The following TMEM67 variants were observed in gnomAD, a reference collection of about 807,000 sequenced individuals.
TMEM67 encodes the protein transmembrane protein 67, also known as meckelin.
In TMEM67, 124 loss-of-function variants were observed where a neutral mutation model predicts 136.6. That is an observed-to-expected ratio of 0.91 (90% CI 0.78 to 1.05). The LOEUF (loss-of-function observed/expected upper bound fraction) is 1.05. TMEM67 is among the 50% of genes least tolerant of loss of function. TMEM67 has a pLI of 0.00. For synonymous variants in TMEM67, 364 were observed against 390.5 expected (o/e 0.93, Z 0.80); for missense variants, 1,107 against 1,178.4 (o/e 0.94, Z 0.89).
Position 93,783,196 on chromosome 8 carries a change from C to T in TMEM67, c.1131+736C>T, listed in dbSNP as rs77440278. 2.8e-3 allele frequency among the ~76,000 whole-genome samples: 420 copies of T among 152,174 alleles called. 7 individuals are homozygous for T. The highest frequency in any genetic ancestry group is 0.027 in the East Asian group (140 of 5,142). ...AGATGGGGTTTTGCTGTGTTGACCA[C>T]GCTTGTCTCAAACTCCTGACCTCAA... is the stretch of plus-strand genomic sequence containing the variant. On this transcript the variant is annotated intron_variant, in intron 11 of 27. Transcript: ENST00000453321.
Position 93,789,790 on chromosome 8 carries a change from G to T in TMEM67, c.1519-1473G>T, listed in dbSNP as rs552735438. On this transcript the variant is annotated intron_variant, in intron 14 of 27. Coordinates refer to ENST00000453321, the MANE Select transcript of TMEM67 (RefSeq NM_153704.6). The stretch of plus-strand genomic sequence containing the variant: ...TAACAAATAGAAAAAAGTTAAGTCC[G>T]CTGGTCGTAGTGGCTCATGCCTGCA... Among the ~76,000 whole-genome samples the T allele has an allele frequency of 5.8e-4, 88 of 151,540 alleles. 2 individuals carry two copies. The South Asian group carries it at 0.017, about 29-fold the overall frequency.
rs1252239185 is a variant in TMEM67, at chr8:93,809,202, C to T, written c.2661+41C>T. 3.2e-6 allele frequency: 4 copies of T among 1,231,420 alleles called. No homozygotes were observed. The East Asian group carries it at 7.0e-5, about 21-fold the overall frequency. 76.3% of individuals were successfully genotyped at this position (1,231,420 alleles called of 1,614,324 possible). A position where few individuals can be genotyped will look rare whatever the true frequency, so the allele number is the denominator to read the frequency against. On this transcript the variant is annotated intron_variant, in intron 25 of 27. Coordinates refer to ENST00000453321, the MANE Select transcript of TMEM67 (RefSeq NM_153704.6). ...TTTATATTTAAGCTGGGATCAAATG[C>T]AATTTTTAAAAAGTTAAGTGGGAAT...
chr8:93,795,862 T>C (rs762356802), intron 17 of TMEM67, 39 bp from the exon 18 acceptor site: 11 of 1,404,076 alleles, frequency 7.8e-6, no homozygotes, highest in South Asian at 2.5e-5. Flanking sequence ...CAAAAAAAAC[T>C]GTGTGTGATA....
chr8:93,826,255 A>C, the TMEM67 span, among the ~76,000 whole-genome samples: 13 of 141,684 alleles, frequency 9.2e-5, 1 homozygote, highest in Admixed American at 8.5e-4. Context: ...TCAGCCTCCC[A>C]AGTAGCTGGG....
intron 22 of TMEM67, among the ~76,000 whole-genome samples, chr8:93,804,319 T>TC (rs1815011906): frequency 7.4e-6 from 1 of 134,506 alleles, no homozygotes; most frequent in African/African-American, 3.1e-5. Context: ...TCTTTTTTTT[T>TC]TTTTTTTTTT....
At chr8:93,755,985 T>C in intron 2 of TMEM67, 119 bp downstream of exon 2, 1 of 609,764 alleles carries the variant, frequency 1.6e-6, no homozygotes, top group South Asian at 2.7e-5. Flanking sequence ...ATTACTATGC[T>C]AATTTTATTT....
At chr8:93,772,507 T>C (rs1813370557) in intron 6 of TMEM67, 82 bp from the exon 7 acceptor site, 1 of 982,376 alleles carries the variant, frequency 1.0e-6, no homozygotes, top group Admixed American at 1.8e-5. Context: ...ATTGTGAAAG[T>C]AATGTGAGAC....
downstream of TMEM67, among the ~76,000 whole-genome samples, chr8:93,820,807 A>G (rs1170009471): frequency 6.6e-6 from 1 of 152,112 alleles, no homozygotes; most frequent in Admixed American, 6.6e-5. Flanking sequence ...CCCAGATTAG[A>G]CCCACTAGAG....
chr8:93,780,886 T>C lies in TMEM67; in HGVS notation c.882T>C (p.Leu294=), dbSNP rs200110207. The C allele has an allele frequency of 6.8e-6, 11 of 1,611,706 alleles. No homozygotes were observed. In the Admixed American group the frequency reaches 1.8e-4, roughly 27 times the overall value. ...TAACTGTTTATAGGAGACAGAATCT[T>C]CCTTGGCTGTTTTATGGAGACCAGT... The part of the protein sequence containing the change: ...VHSISFWRQN[L]PWLFYGDQLG... The change falls in exon 9 of 28, where the codon CTT becomes CTC. Residue 294 remains leucine, a synonymous_variant. Transcript: ENST00000453321.
chr8:93,771,414 A>T (rs1370667315), intron 6 of TMEM67, among the ~76,000 whole-genome samples: 2 of 151,986 alleles, frequency 1.3e-5, no homozygotes, highest in African/African-American at 4.8e-5. Context: ...GTGACTTTAG[A>T]CTTTAGGGAT....
At chr8:93,810,294 T>C (rs1808651657) in intron 26 of TMEM67, among the ~76,000 whole-genome samples, 1 of 149,972 alleles carries the variant, frequency 6.7e-6, no homozygotes, top group Admixed American at 6.6e-5. Flanking sequence ...GTTTAATAAT[T>C]TTTTGGCTAG....
chr8:93,796,845 A>C (rs1183085550), intron 18 of TMEM67, among the ~76,000 whole-genome samples: 1 of 152,136 alleles, frequency 6.6e-6, no homozygotes, highest in Non-Finnish European at 1.5e-5. Context: ...ATAAGTCCCT[A>C]TGTGAGGAGG....
At chr8:93,809,279 T>G in intron 25 of TMEM67, 118 bp downstream of exon 25, 2 of 705,888 alleles carry the variant, frequency 2.8e-6, no homozygotes, top group Admixed American at 2.1e-5. Flanking sequence ...ACCCCCACCT[T>G]AAGACCTTCC....
Position 93,780,698 on chromosome 8 carries a change from A to C in TMEM67, c.820A>C (p.Ile274Leu), listed in dbSNP as rs748922044. 2.5e-6 allele frequency: 4 copies of C among 1,614,042 alleles called. No homozygotes were observed. The highest frequency in any genetic ancestry group is 3.4e-6 in the Non-Finnish European group (4 of 1,180,018). ...TFDACGLFQF[I>L]FENTAGLSTV... ...TGATGCATGTGGACTATTTCAGTTTATCTTTGAAAATACTGCTGGACTGAG... is the reference window on the plus strand; with the variant it reads ...TGATGCATGTGGACTATTTCAGTTTCTCTTTGAAAATACTGCTGGACTGAG... Residue 274 changes from isoleucine to leucine, a missense_variant, in exon 8 of 28, where the codon ATC becomes CTC. Physicochemically the swap from Ile to Leu is conservative, Grantham distance 5 (BLOSUM62 2). Around this residue, in one of 3 missense-constraint regions of TMEM67, gnomAD observed 925 missense variants for 1,002.4 expected, o/e 0.92. Coordinates refer to ENST00000453321, the MANE Select transcript of TMEM67 (RefSeq NM_153704.6).
chr8:93,780,008 G>C (rs530691077), intron 7 of TMEM67, among the ~76,000 whole-genome samples: 1 of 152,190 alleles, frequency 6.6e-6, no homozygotes, highest in South Asian at 2.1e-4. Flanking sequence ...AGCAGGCCTT[G>C]CTGAACTGCG....
At chr8:93,786,125 G>A in intron 12 of TMEM67, 98 bp from the exon 13 acceptor site, 1 of 1,191,496 alleles carries the variant, frequency 8.4e-7, no homozygotes, top group Non-Finnish European at 1.2e-6. Context: ...ATTGTCAGGT[G>A]TTTCTTATAC....
rs201893408 is a variant in TMEM67, at chr8:93,795,970, T to C, written c.1843T>C (p.Cys615Arg). Residue 615 changes from cysteine (C) to arginine (R), a missense_variant, in exon 18 of 28, where the codon TGT becomes CGT. Physicochemically the swap from Cys to Arg is radical, Grantham distance 180. Around this residue, in one of 3 missense-constraint regions of TMEM67, gnomAD observed 925 missense variants for 1,002.4 expected, o/e 0.92. Coordinates refer to ENST00000453321, the MANE Select transcript of TMEM67 (RefSeq NM_153704.6). ...AGAACGTTTTGTCACTTATGTTGGA[T>C]GTGCCTTTGCTCTGAAGGTAAGTTT... ...QEERFVTYVG[C>R]AFALKALQFL... The C allele has an allele frequency of 9.1e-5, 146 of 1,613,072 alleles. No individual in the cohort carries two copies. Among genetic ancestry groups the C allele is most frequent in the Non-Finnish European group, 1.2e-4 (137 of 1,179,162 alleles).
At chr8:93,759,932 G>A (rs1271464829) in intron 3 of TMEM67, 2 of 1,534,458 alleles carry the variant, frequency 1.3e-6, no homozygotes, top group Admixed American at 2.0e-5. Flanking sequence ...ACAGGCTTGA[G>A]CCACCGCACC....
intron 2 of TMEM67, chr8:93,757,239 CTT>C (rs1812616225): frequency 6.6e-6 from 1 of 151,892 alleles, no homozygotes; most frequent in Non-Finnish European, 1.5e-5. Context: ...TCTTTATAAA[CTT>C]TGGTTACATC....
Sources: gnomAD v4.1 joint callset for allele counts (sites outside exome capture counted in the v4.1 genomes callset) on GRCh38, gnomAD v4.1.1 for gene constraint, gnomAD v4.1.1 regional missense constraint, MANE v1.5 for transcripts, NCBI Gene and HGNC (gene_info 2026-07-23, HGNC 2026-07-21) for gene names.